RAB3C: variants seen among roughly 807,000 people sequenced by gnomAD.
RAB3C encodes the protein ras-related protein Rab-3C.
In RAB3C, 17 loss-of-function variants were observed where a neutral mutation model predicts 26.4. The observed-to-expected ratio is 0.64, with a 90% CI of 0.44 to 0.97. The LOEUF is 0.97. RAB3C is among the 50% of genes least tolerant of loss of function. RAB3C has a pLI of 0.00. For synonymous variants in RAB3C, 91 were observed against 95.9 expected (o/e 0.95, Z 0.30); for missense variants, 242 against 281.9 (o/e 0.86, Z 1.01).
chr5:58,708,627 A>G (rs1396976862), intron 2 of RAB3C, among the ~76,000 whole-genome samples: 2 of 152,202 alleles, frequency 1.3e-5, no homozygotes, highest in Non-Finnish European at 2.9e-5. Flanking sequence ...TAAGAAAAAT[A>G]CATTTGTCTG....
intron 3 of RAB3C, chr5:58,823,186 C>T: frequency 3.0e-6 from 1 of 336,974 alleles, no homozygotes; most frequent in African/African-American, 2.1e-5. Context: ...TCTTTCCGTT[C>T]ATAAAGAACA....
At chr5:58,693,336 G>GTATGTATATATATATATATATATATA (rs1341115094) in intron 2 of RAB3C, among the ~76,000 whole-genome samples, 6 of 111,772 alleles carry the variant, frequency 5.4e-5, no homozygotes, top group African/African-American at 2.2e-4. Flanking sequence ...ATATATATGT[G>GTATGTATATATATATATATATATATA]TATATATATA....
At chr5:58,645,586 T>C (rs1465080519) in intron 2 of RAB3C, among the ~76,000 whole-genome samples, 2 of 152,096 alleles carry the variant, frequency 1.3e-5, no homozygotes, top group Non-Finnish European at 2.9e-5. Context: ...AGGAAGAAGA[T>C]AAAGATCTGC....
chr5:58,688,014 A>G (rs1748482814), intron 2 of RAB3C, among the ~76,000 whole-genome samples: 1 of 152,126 alleles, frequency 6.6e-6, no homozygotes. Context: ...CATATGAACT[A>G]TTTTAATTAA....
At chr5:58,691,230 G>A (rs1485610596) in intron 2 of RAB3C, among the ~76,000 whole-genome samples, 2 of 152,100 alleles carry the variant, frequency 1.3e-5, no homozygotes, top group East Asian at 3.9e-4. Context: ...ACCCACTCTT[G>A]TCTTACTGAA....
intron 1 of RAB3C, among the ~76,000 whole-genome samples, chr5:58,607,317 T>C (rs114509621): frequency 0.024 from 3,718 of 152,196 alleles, 159 homozygotes; most frequent in African/African-American, 0.083. Context: ...ATATCAGTGA[T>C]TGAGAATCAA....
chr5:58,842,037 C>T (rs1295705040), intron 4 of RAB3C, among the ~76,000 whole-genome samples: 2 of 152,182 alleles, frequency 1.3e-5, no homozygotes, highest in Admixed American at 6.5e-5. Flanking sequence ...AACCTGTATA[C>T]TCAGCCAACT....
Position 58,846,938 on chromosome 5 carries a change from G to A in RAB3C, c.497-4226G>A, listed in dbSNP as rs1229155915. ...ACATCAGGTGAACCTGAAGGGATTA[G>A]TGTCCCGCTGTACCTGTAGTGGTTT... On this transcript the variant is annotated intron_variant, in intron 4 of 4. Coordinates refer to ENST00000282878, the MANE Select transcript of RAB3C (RefSeq NM_138453.4). The A allele has an allele frequency of 2.6e-5, 4 of 152,040 alleles. No individual in the cohort carries two copies. The East Asian group carries it at 7.7e-4, about 29-fold the overall frequency. The allele number at this position is 152,040 out of a possible 1,614,324, so 9.4% of individuals were successfully genotyped here.
In RAB3C at chr5:58,669,561, T is replaced by C. The variant is rs1579848457; in HGVS notation, c.252+51691T>C. On this transcript the variant is annotated intron_variant, in intron 2 of 4. Transcript: ENST00000282878. ...TCAGCCAGTGGCTCCTTAGAGGCAGTAGACAGAAGGCAGTAGTTTAGGTGT... is the reference window on the plus strand; with the variant it reads ...TCAGCCAGTGGCTCCTTAGAGGCAGCAGACAGAAGGCAGTAGTTTAGGTGT... Among the ~76,000 whole-genome samples the C allele has an allele frequency of 3.3e-5, 5 of 152,302 alleles. No individual in the cohort carries two copies. The South Asian group carries it at 1.0e-3, about 32-fold the overall frequency.
chr5:58,582,727 G>A (rs778888354), upstream of RAB3C, among the ~76,000 whole-genome samples: 7 of 152,186 alleles, frequency 4.6e-5, no homozygotes, highest in Non-Finnish European at 7.3e-5. Flanking sequence ...GCACAAGGTA[G>A]TGTTGTTTCC....
At chr5:58,667,857 T>C (rs1748032770) in intron 2 of RAB3C, among the ~76,000 whole-genome samples, 1 of 152,186 alleles carries the variant, frequency 6.6e-6, no homozygotes, top group African/African-American at 2.4e-5. Context: ...AGATAGTCTC[T>C]TGACACTTAT....
intron 1 of RAB3C, among the ~76,000 whole-genome samples, chr5:58,597,767 CATATAATACATTATATATAAGTATAT>C (rs1561261253): frequency 4.5e-4 from 19 of 42,104 alleles, no homozygotes; most frequent in African/African-American, 1.2e-3. Context: ...AAGTATATAA[CATATAATACATTATATATAAGTATAT>C]AACATGTAAT....
At chr5:58,713,549 T>C (rs573747505) in intron 2 of RAB3C, among the ~76,000 whole-genome samples, 2 of 152,284 alleles carry the variant, frequency 1.3e-5, no homozygotes, top group East Asian at 1.9e-4. Context: ...ATATTCTTAT[T>C]TTAGAGGCAG....
At chr5:58,680,565 G>T (rs762075953) in intron 2 of RAB3C, among the ~76,000 whole-genome samples, 1 of 152,200 alleles carries the variant, frequency 6.6e-6, no homozygotes, top group African/African-American at 2.4e-5. Flanking sequence ...TAGTTCTGAA[G>T]TTAGAAGTCC....
Position 58,629,012 on chromosome 5 carries a change from G to A in RAB3C, c.252+11142G>A, listed in dbSNP as rs180990070. ...TCAATACCAGCTTGGGCAACATAGT[G>A]AGACCTCACTTCTGGAAAAAAAAAA... On this transcript the variant is annotated intron_variant, in intron 2 of 4. Coordinates refer to ENST00000282878, the MANE Select transcript of RAB3C (RefSeq NM_138453.4). 3.7e-3 allele frequency among the ~76,000 whole-genome samples: 389 copies of A among 104,564 alleles called. 4 individuals carry two copies. The highest frequency in any genetic ancestry group is 0.013 in the African/African-American group (352 of 26,400). The allele number at this position is 104,564 out of a possible 152,430, so 68.6% of individuals were successfully genotyped here. A position where few individuals can be genotyped will look rare whatever the true frequency, so the allele number is the denominator to read the frequency against.
intron 3 of RAB3C, among the ~76,000 whole-genome samples, chr5:58,775,293 A>AC (rs1442482469): frequency 1.3e-5 from 2 of 152,040 alleles, no homozygotes; most frequent in Non-Finnish European, 2.9e-5. Context: ...CAAATGTCAA[A>AC]CCCAGGGGCT....
At chr5:58,657,060 A>G (rs1747791628) in intron 2 of RAB3C, among the ~76,000 whole-genome samples, 1 of 152,256 alleles carries the variant, frequency 6.6e-6, no homozygotes, top group Non-Finnish European at 1.5e-5. Context: ...AGCCATAAAA[A>G]GGAATGAATT....
At chr5:58,632,792 T>C (rs1455648579) in intron 2 of RAB3C, among the ~76,000 whole-genome samples, 1 of 152,190 alleles carries the variant, frequency 6.6e-6, no homozygotes, top group Non-Finnish European at 1.5e-5. Flanking sequence ...TACCAGCCTA[T>C]TACCATCCCC....
chr5:58,857,239 C>T lies in RAB3C; in HGVS notation c.*5888C>T, dbSNP rs1289511999. ...TATTTGTCTAGTGGTGCAATTTATACAGTAAATATCTTATTGGTGTCATGT... is the reference window on the plus strand; with the variant it reads ...TATTTGTCTAGTGGTGCAATTTATATAGTAAATATCTTATTGGTGTCATGT... On this transcript the variant is annotated 3_prime_UTR_variant, in exon 5 of 5. Transcript: ENST00000282878. The T allele has an allele frequency of 6.6e-6, 1 of 152,132 alleles. No individual in the cohort carries two copies. The highest frequency in any genetic ancestry group is 6.6e-5 in the Admixed American group (1 of 15,264). 9.4% of individuals were successfully genotyped at this position (152,132 alleles called of 1,614,324 possible).
Sources: gnomAD v4.1 joint callset for allele counts (sites outside exome capture counted in the v4.1 genomes callset) on GRCh38, gnomAD v4.1.1 for gene constraint, MANE v1.5 for transcripts, NCBI Gene and HGNC (gene_info 2026-07-23, HGNC 2026-07-21) for gene names.